MCTP1: variants seen among roughly 807,000 people sequenced by gnomAD.
MCTP1 encodes the protein multiple C2 and transmembrane domain containing 1.
Under a neutral mutation model 120.6 loss-of-function variants are expected in MCTP1, and 69 were observed. The ratio of observed to expected loss-of-function variants is 0.57; its 90% CI spans 0.47 to 0.70. The LOEUF (loss-of-function observed/expected upper bound fraction) is 0.70, where lower values mean the gene tolerates loss of function less well. Among genes scored for constraint, MCTP1 ranks in the 30% least tolerant of loss-of-function variants. The probability of loss-of-function intolerance (pLI) is 0.00; values close to 1 mark genes in which losing one functional copy is unlikely to be tolerated. For missense variants in MCTP1, 1,203 were observed against 1,248.8 expected, an observed-to-expected ratio of 0.96 and a Z score of 0.55; for synonymous variants, 529 against 493.1, an observed-to-expected ratio of 1.07 and a Z score of -0.96.
Position 95,129,904 on chromosome 5 carries a change from A to T in MCTP1, c.721-112420T>A, listed in dbSNP as rs139777040. ...TCGAACTCCTGACCTCAGGCGATCC[A>T]CCTGCCTTGGCCTCCCAGAGTACTG... On this transcript the variant is annotated intron_variant, in intron 1 of 22. Transcript: ENST00000515393. Among the ~76,000 whole-genome samples, 463 of 152,192 alleles carry T rather than the reference A, an allele frequency of 3.0e-3. 1 individual carries two copies. Among genetic ancestry groups the T allele is most frequent in the African/African-American group, 0.01 (432 of 41,518 alleles).
intron 17 of MCTP1, among the ~76,000 whole-genome samples, chr5:94,819,100 T>TTTA: frequency 2.3e-5 from 3 of 132,628 alleles, no homozygotes; most frequent in Non-Finnish European, 5.0e-5. Flanking sequence ...TATTTATTTA[T>TTTA]TTATTTATTT....
intron 17 of MCTP1, among the ~76,000 whole-genome samples, chr5:94,865,079 A>G (rs954198067): frequency 4.6e-5 from 7 of 151,906 alleles, no homozygotes; most frequent in African/African-American, 1.4e-4. Flanking sequence ...CATTGCACAC[A>G]AAATAAGCAC....
intron 1 of MCTP1, among the ~76,000 whole-genome samples, chr5:95,166,381 G>A (rs1746355710): frequency 6.6e-6 from 1 of 152,078 alleles, no homozygotes; most frequent in Non-Finnish European, 1.5e-5. Context: ...TAAAAATGCA[G>A]GTAAGTGTAT....
At chr5:95,168,135 C>A (rs895778152) in intron 1 of MCTP1, among the ~76,000 whole-genome samples, 1 of 152,134 alleles carries the variant, frequency 6.6e-6, no homozygotes, top group African/African-American at 2.4e-5. Flanking sequence ...TTTCTCAGCA[C>A]CATTTATTAA....
At chr5:94,889,671 G>A (rs938915850) in intron 11 of MCTP1, among the ~76,000 whole-genome samples, 1 of 151,564 alleles carries the variant, frequency 6.6e-6, no homozygotes, top group Non-Finnish European at 1.5e-5. Context: ...GAATGGAAAC[G>A]TTGATGCTGC....
At chr5:94,770,590 T>A (rs975312829) in intron 19 of MCTP1, among the ~76,000 whole-genome samples, 1 of 152,188 alleles carries the variant, frequency 6.6e-6, no homozygotes, top group Non-Finnish European at 1.5e-5. Flanking sequence ...TTGGAGGGAA[T>A]GTTGGAGACA....
At chr5:95,196,452 C>A (rs1750406917) in intron 1 of MCTP1, among the ~76,000 whole-genome samples, 1 of 152,170 alleles carries the variant, frequency 6.6e-6, no homozygotes, top group Non-Finnish European at 1.5e-5. Flanking sequence ...AAATACAGAT[C>A]TGCTTGAAGC....
chr5:94,780,821 C>G (rs1030344493), intron 18 of MCTP1, among the ~76,000 whole-genome samples: 1 of 152,138 alleles, frequency 6.6e-6, no homozygotes, highest in Non-Finnish European at 1.5e-5. Flanking sequence ...CCTATCAGCC[C>G]TCAAATGGCT....
intron 1 of MCTP1, among the ~76,000 whole-genome samples, chr5:95,272,273 A>G (rs1468807849): frequency 6.6e-6 from 1 of 152,212 alleles, no homozygotes; most frequent in Non-Finnish European, 1.5e-5. Context: ...TATAAAAGCT[A>G]CTAATAAAAA....
chr5:94,746,441 T>A (rs940588138), intron 19 of MCTP1, among the ~76,000 whole-genome samples: 4 of 152,236 alleles, frequency 2.6e-5, no homozygotes, highest in Non-Finnish European at 4.4e-5. Context: ...TTGAGATATA[T>A]GTAAAATGAT....
At chr5:94,812,455 G>GAAA (rs57511429) in intron 17 of MCTP1, among the ~76,000 whole-genome samples, 21 of 104,548 alleles carry the variant, frequency 2.0e-4, no homozygotes, top group African/African-American at 5.3e-4. Context: ...TCAGGGATAC[G>GAAA]AAAAAAAAAA....
At chr5:94,825,034 C>G (rs1786648310) in intron 17 of MCTP1, among the ~76,000 whole-genome samples, 1 of 152,134 alleles carries the variant, frequency 6.6e-6, no homozygotes, top group Non-Finnish European at 1.5e-5. Context: ...ATGTCTCTAT[C>G]TCCTGCAGTT....
chr5:94,934,214 A>T, intron 5 of MCTP1, among the ~76,000 whole-genome samples: 1 of 151,770 alleles, frequency 6.6e-6, no homozygotes, highest in East Asian at 1.9e-4. Flanking sequence ...TAATATATAT[A>T]CTATTAATAA....
At position 94,908,359 on chromosome 5, in the gene MCTP1, A is replaced by G. The variant is rs116823193; in HGVS notation, c.1652+892T>C. Among the ~76,000 whole-genome samples, 1,479 of 152,130 alleles carry G rather than the reference A, an allele frequency of 9.7e-3. 10 individuals are homozygous for G. Among genetic ancestry groups the G allele is most frequent in the Middle Eastern group, 0.02 (6 of 294 alleles). On this transcript the variant is annotated intron_variant, in intron 10 of 22. Transcript: ENST00000515393. ...ATCCTATGAAGAAAATGATATATAT[A>G]TAACTGCATCATAAAAAAAATCAAG... is the stretch of plus-strand genomic sequence containing the variant.
chr5:95,107,172 T>C (rs1441807048), intron 1 of MCTP1, among the ~76,000 whole-genome samples: 1 of 152,216 alleles, frequency 6.6e-6, no homozygotes, highest in Non-Finnish European at 1.5e-5. Flanking sequence ...AATAGTTTTG[T>C]ATTTTAAATA....
At chr5:94,768,622 G>A (rs908982422) in intron 19 of MCTP1, among the ~76,000 whole-genome samples, 1 of 151,994 alleles carries the variant, frequency 6.6e-6, no homozygotes, top group Non-Finnish European at 1.5e-5. Flanking sequence ...ATGGCTAACA[G>A]ACATATGAAA....
intron 5 of MCTP1, among the ~76,000 whole-genome samples, chr5:94,937,836 A>G (rs1333390874): frequency 2.6e-5 from 4 of 151,982 alleles, no homozygotes; most frequent in South Asian, 2.1e-4. Flanking sequence ...CACCCAAATC[A>G]CCACAATCGC....
chr5:94,878,656 C>G (rs779796964), intron 12 of MCTP1, among the ~76,000 whole-genome samples: 2 of 151,878 alleles, frequency 1.3e-5, no homozygotes, highest in Non-Finnish European at 2.9e-5. Context: ...TAAAATCATA[C>G]ATTGACTTAT....
At chr5:95,168,216 T>C (rs1746698210) in intron 1 of MCTP1, among the ~76,000 whole-genome samples, 1 of 152,140 alleles carries the variant, frequency 6.6e-6, no homozygotes. Flanking sequence ...AGACGTGTGG[T>C]AGTATTTCTG....
Sources: gnomAD v4.1 joint callset for allele counts (sites outside exome capture counted in the v4.1 genomes callset) on GRCh38, gnomAD v4.1.1 for gene constraint, MANE v1.5 for transcripts, NCBI Gene and HGNC (gene_info 2026-07-23, HGNC 2026-07-21) for gene names.